Variants in HDAC9 observed in about 807,000 individuals in gnomAD.
The protein encoded by HDAC9 is MEF-2 interacting transcription repressor (MITR) protein.
In HDAC9, 41 loss-of-function variants were observed where a neutral mutation model predicts 139.4. The observed-to-expected ratio is 0.29, with a 90% CI of 0.23 to 0.38. The LOEUF (loss-of-function observed/expected upper bound fraction) is 0.38, where lower values mean the gene tolerates loss of function less well. Ranked by LOEUF, HDAC9 falls within the 10% of genes least tolerant of loss-of-function variation. HDAC9 has a pLI of 1.00. For missense variants in HDAC9, 1,147 were observed against 1,297.0 expected (o/e 0.88, Z 1.78); for synonymous variants, 517 against 476.2 (o/e 1.09, Z -1.12).
At chr7:18,680,091 G>A (rs1781791523) in intron 12 of HDAC9, among the ~76,000 whole-genome samples, 2 of 151,872 alleles carry the variant, frequency 1.3e-5, no homozygotes, top group African/African-American at 2.4e-5. Context: ...AAAATGAATG[G>A]GACCTACGAA....
intron 12 of HDAC9, chr7:18,668,340 T>C (rs1222669366): frequency 2.1e-6 from 2 of 944,478 alleles, no homozygotes; most frequent in Non-Finnish European, 2.5e-6. Context: ...TTGTTTTGCA[T>C]TAAAAATATG....
At chr7:18,354,946 C>T (rs1483151616) in intron 1 of HDAC9, among the ~76,000 whole-genome samples, 1 of 152,118 alleles carries the variant, frequency 6.6e-6, no homozygotes, top group Non-Finnish European at 1.5e-5. Flanking sequence ...ACTGAAACCA[C>T]AGCTGGTCTT....
At chr7:18,331,007 G>A (rs990951915) in intron 1 of HDAC9, among the ~76,000 whole-genome samples, 2 of 151,654 alleles carry the variant, frequency 1.3e-5, no homozygotes, top group African/African-American at 4.8e-5. Flanking sequence ...TACAATTTGA[G>A]TTGACCAATT....
intron 1 of HDAC9, among the ~76,000 whole-genome samples, chr7:18,342,197 C>G (rs1017523857): frequency 6.6e-6 from 1 of 151,778 alleles, no homozygotes; most frequent in African/African-American, 2.4e-5. Context: ...TTGGTGCTTC[C>G]CTCTCCTCTC....
At chr7:18,541,637 A>C (rs890725878) in intron 2 of HDAC9, among the ~76,000 whole-genome samples, 1 of 152,184 alleles carries the variant, frequency 6.6e-6, no homozygotes, top group African/African-American at 2.4e-5. Flanking sequence ...TTTGTTTAGA[A>C]ATATTTTTGT....
At chr7:18,143,200 A>T (rs1284853260) in intron 1 of HDAC9, among the ~76,000 whole-genome samples, 1 of 152,202 alleles carries the variant, frequency 6.6e-6, no homozygotes, top group African/African-American at 2.4e-5. Flanking sequence ...CTATAATGGC[A>T]TATTTGTATT....
At chr7:18,190,130 G>T (rs1411211167) in intron 2 of HDAC9, among the ~76,000 whole-genome samples, 1 of 152,098 alleles carries the variant, frequency 6.6e-6, no homozygotes, top group Non-Finnish European at 1.5e-5. Context: ...TTTTAGTAGA[G>T]ATGGGGTTTC....
At chr7:18,650,512 G>T (rs1788904941) in intron 11 of HDAC9, among the ~76,000 whole-genome samples, 1 of 152,162 alleles carries the variant, frequency 6.6e-6, no homozygotes. Context: ...TTCAGATTCA[G>T]ATGGTGTGCT....
rs530557292 is a variant in HDAC9, at chr7:18,800,972, T to G, written c.2322+7520T>G. On this transcript the variant is annotated intron_variant, in intron 17 of 25. Coordinates refer to ENST00000686413, the MANE Select transcript of HDAC9 (RefSeq NM_178425.4). Reference sequence around the variant, plus strand: ...TTCTGATGTACAAAGGGGCTGTTTATTTTTTGCTAATTGTACATCATTATT... The same window carrying G: ...TTCTGATGTACAAAGGGGCTGTTTAGTTTTTGCTAATTGTACATCATTATT... Among the ~76,000 whole-genome samples, 10 of 152,330 alleles carry G rather than the reference T, an allele frequency of 6.6e-5. No homozygotes were observed. The South Asian group carries it at 1.7e-3, about 25-fold the overall frequency.
At chr7:18,939,585 C>T (rs1016480204) in intron 23 of HDAC9, among the ~76,000 whole-genome samples, 1 of 152,130 alleles carries the variant, frequency 6.6e-6, no homozygotes, top group African/African-American at 2.4e-5. Flanking sequence ...ATTATGACTA[C>T]ACTGAAGTTT....
At chr7:18,570,766 C>T (rs1021488063) in intron 2 of HDAC9, among the ~76,000 whole-genome samples, 1 of 152,130 alleles carries the variant, frequency 6.6e-6, no homozygotes, top group South Asian at 2.1e-4. Flanking sequence ...TTGTAAAGAA[C>T]AAATGAATGA....
At chr7:18,545,655 G>T (rs1043708202) in intron 2 of HDAC9, among the ~76,000 whole-genome samples, 23 of 152,162 alleles carry the variant, frequency 1.5e-4, no homozygotes, top group African/African-American at 5.3e-4. Context: ...CCAAAACAGT[G>T]CCTGCTACAA....
intron 2 of HDAC9, among the ~76,000 whole-genome samples, chr7:18,250,750 G>A (rs1366291443): frequency 6.6e-6 from 1 of 152,070 alleles, no homozygotes; most frequent in Admixed American, 6.5e-5. Flanking sequence ...CAGTGTAAAA[G>A]CATTCCTTTT....
intron 2 of HDAC9, among the ~76,000 whole-genome samples, chr7:18,196,464 G>T (rs1250320678): frequency 6.6e-6 from 1 of 152,172 alleles, no homozygotes; most frequent in Admixed American, 6.6e-5. Flanking sequence ...TGCTTTCAGA[G>T]AAGGGAGTAT....
chr7:18,115,523 A>G (rs1783922198), intron 1 of HDAC9, among the ~76,000 whole-genome samples: 2 of 152,240 alleles, frequency 1.3e-5, no homozygotes. Context: ...CTGAAAATGT[A>G]GTAGATTCCA....
chr7:18,838,326 G>T (rs1321865226), intron 21 of HDAC9, among the ~76,000 whole-genome samples: 1 of 152,024 alleles, frequency 6.6e-6, no homozygotes, highest in Non-Finnish European at 1.5e-5. Context: ...GTCCTCAATG[G>T]TTTCAGGAAA....
intron 6 of HDAC9, among the ~76,000 whole-genome samples, chr7:18,622,518 T>C (rs1840484172): frequency 6.6e-6 from 1 of 151,920 alleles, no homozygotes; most frequent in Non-Finnish European, 1.5e-5. Flanking sequence ...GAGATGGGTT[T>C]TCACCATGTT....
chr7:18,300,353 G>A (rs902050078), intron 1 of HDAC9, among the ~76,000 whole-genome samples: 3 of 152,070 alleles, frequency 2.0e-5, no homozygotes, highest in Non-Finnish European at 2.9e-5. Flanking sequence ...GTTAAGATCC[G>A]TTTTTAATTG....
chr7:18,854,629 A>C (rs1797540933), intron 21 of HDAC9, among the ~76,000 whole-genome samples: 1 of 152,134 alleles, frequency 6.6e-6, no homozygotes, highest in Non-Finnish European at 1.5e-5. Context: ...AATAGAGGAC[A>C]AAGACACTAC....
Sources: allele counts gnomAD v4.1 joint callset (sites outside exome capture counted in the v4.1 genomes callset), GRCh38; gene constraint gnomAD v4.1.1; transcripts MANE v1.5; gene names NCBI Gene and HGNC (gene_info 2026-07-23, HGNC 2026-07-21).